The following CERS4 variants were observed in gnomAD, a reference collection of about 807,000 sequenced individuals.
The protein encoded by CERS4 is LAG1 homolog, ceramide synthase 4.
In CERS4, 65 loss-of-function variants were observed where a neutral mutation model predicts 51.8. The observed-to-expected ratio is 1.26, with a 90% CI of 1.03 to 1.54. The LOEUF is 1.54. Ranked by LOEUF, CERS4 falls within the 40% of genes most tolerant of loss-of-function variation. CERS4 has a pLI of 0.00. For synonymous variants in CERS4, 228 were observed against 208.4 expected (o/e 1.09, Z -0.81); for missense variants, 563 against 500.4 (o/e 1.13, Z -1.19).
At chr19:8,215,647 C>T (rs1431931014) in intron 2 of CERS4, among the ~76,000 whole-genome samples, 1 of 152,104 alleles carries the variant, frequency 6.6e-6, no homozygotes, top group Admixed American at 6.6e-5. Context: ...CTGGGCTTCA[C>T]TGGGAGGGAA....
chr19:8,212,139 G>A (rs1354589612), intron 2 of CERS4, among the ~76,000 whole-genome samples: 2 of 152,134 alleles, frequency 1.3e-5, no homozygotes, highest in Non-Finnish European at 2.9e-5. Context: ...TCCAGAAGAG[G>A]GGAGAGGAAG....
chr19:8,241,695 T>C (rs1287567804), intron 2 of CERS4, among the ~76,000 whole-genome samples: 2 of 152,130 alleles, frequency 1.3e-5, no homozygotes, highest in Non-Finnish European at 2.9e-5. Context: ...CAGATAAAAC[T>C]GAGGCACAGA....
At chr19:8,231,292 T>C (rs1967993678) in intron 2 of CERS4, among the ~76,000 whole-genome samples, 1 of 152,200 alleles carries the variant, frequency 6.6e-6, no homozygotes, top group African/African-American at 2.4e-5. Flanking sequence ...GTAGAGTCTC[T>C]GGATTCTGTT....
rs144143354 is a variant in CERS4 at position 8,231,937 on chromosome 19, C to T, written c.-1-19139C>T. Among the ~76,000 whole-genome samples, 304 of 149,012 alleles carry T rather than the reference C, an allele frequency of 2.0e-3. 2 individuals are homozygous for T. In the East Asian group the frequency reaches 0.024, roughly 12 times the overall value. Reference sequence around the variant, plus strand: ...ATAGCTTCTGGGCTCAAAGGATCCTCCCACCTCAGCCTCCTGAGTAGCTGG... The same window carrying T: ...ATAGCTTCTGGGCTCAAAGGATCCTTCCACCTCAGCCTCCTGAGTAGCTGG... On this transcript the variant is annotated intron_variant, in intron 2 of 11. Transcript: ENST00000251363.
chr19:8,217,683 C>T (rs1967360011), intron 2 of CERS4, among the ~76,000 whole-genome samples: 1 of 151,874 alleles, frequency 6.6e-6, no homozygotes, highest in South Asian at 2.1e-4. Context: ...ACTACAGGTG[C>T]CCACCACCAC....
intron 2 of CERS4, among the ~76,000 whole-genome samples, chr19:8,241,886 G>T (rs1428460418): frequency 6.6e-6 from 1 of 152,196 alleles, no homozygotes; most frequent in African/African-American, 2.4e-5. Flanking sequence ...GGCCCAGGAA[G>T]ACAGAGGATG....
At chr19:8,243,508 G>C (rs1037794157) in intron 2 of CERS4, among the ~76,000 whole-genome samples, 1 of 152,126 alleles carries the variant, frequency 6.6e-6, no homozygotes, top group Admixed American at 6.6e-5. Flanking sequence ...TTGACTGCTT[G>C]TTGGGTCACT....
At chr19:8,245,763 C>T (rs1050027147) in intron 2 of CERS4, among the ~76,000 whole-genome samples, 2 of 151,938 alleles carry the variant, frequency 1.3e-5, no homozygotes, top group African/African-American at 4.8e-5. Flanking sequence ...TGGTCTCAAA[C>T]TCCTGATCGC....
chr19:8,260,395 T>TG (rs1381706109), intron 10 of CERS4, among the ~76,000 whole-genome samples: 6 of 142,150 alleles, frequency 4.2e-5, no homozygotes, highest in African/African-American at 1.3e-4. Flanking sequence ...TTAGTAGAGA[T>TG]GGGGGTTTCA....
intron 2 of CERS4, among the ~76,000 whole-genome samples, chr19:8,231,891 C>T (rs1312900125): frequency 1.6e-5 from 2 of 127,870 alleles, no homozygotes; most frequent in Non-Finnish European, 3.2e-5. Flanking sequence ...GTCTCCCAGG[C>T]TGGAGTGCAG....
At chr19:8,242,799 AT>A (rs1968592437) in intron 2 of CERS4, among the ~76,000 whole-genome samples, 2 of 152,278 alleles carry the variant, frequency 1.3e-5, no homozygotes, top group East Asian at 3.9e-4. Flanking sequence ...GGAGCAGAGT[AT>A]CAGTCAGTAA....
intron 2 of CERS4, among the ~76,000 whole-genome samples, chr19:8,244,711 G>A (rs996733478): frequency 2.0e-5 from 3 of 152,064 alleles, no homozygotes; most frequent in South Asian, 4.1e-4. Context: ...CAAGGGCAAC[G>A]GAACCCTCAC....
intron 8 of CERS4, 58 bp downstream of exon 8, chr19:8,256,768 G>A: frequency 6.3e-7 from 1 of 1,585,650 alleles, no homozygotes; most frequent in Non-Finnish European, 8.6e-7. Flanking sequence ...TGGGGTGCTG[G>A]GGGGTAGGGC....
At chr19:8,238,126 C>T (rs1390303452) in intron 2 of CERS4, among the ~76,000 whole-genome samples, 1 of 152,040 alleles carries the variant, frequency 6.6e-6, no homozygotes, top group Non-Finnish European at 1.5e-5. Flanking sequence ...ACCAGATCCT[C>T]TCTCCTCCCT....
intron 2 of CERS4, among the ~76,000 whole-genome samples, chr19:8,230,913 C>G (rs191450632): frequency 6.6e-6 from 1 of 152,290 alleles, no homozygotes; most frequent in Admixed American, 6.5e-5. Flanking sequence ...AATCACAGCT[C>G]ACTGCAGCCT....
At chr19:8,254,445 A>C in intron 3 of CERS4, 54 bp from the exon 4 acceptor site, 1 of 1,538,674 alleles carries the variant, frequency 6.5e-7, no homozygotes, top group East Asian at 2.3e-5. Flanking sequence ...CCCCACACAC[A>C]GGCAGTCCCA....
chr19:8,253,112 G>T (rs1969173146), intron 3 of CERS4, among the ~76,000 whole-genome samples: 1 of 152,244 alleles, frequency 6.6e-6, no homozygotes, highest in African/African-American at 2.4e-5. Context: ...ACCAAATGAG[G>T]CAGGATGTTA....
At chr19:8,250,044 G>A (rs1286988910) in intron 2 of CERS4, among the ~76,000 whole-genome samples, 3 of 150,024 alleles carry the variant, frequency 2.0e-5, no homozygotes, top group Admixed American at 6.6e-5. Context: ...GCATGATCTC[G>A]GCTCACTGCA....
At chr19:8,221,875 T>A (rs1161545646) in intron 2 of CERS4, among the ~76,000 whole-genome samples, 28 of 85,644 alleles carry the variant, frequency 3.3e-4, no homozygotes, top group African/African-American at 1.3e-3. Context: ...TTTTTATGTT[T>A]TTTTTTTTTT....
Sources: gnomAD v4.1 joint callset for allele counts (sites outside exome capture counted in the v4.1 genomes callset) on GRCh38, gnomAD v4.1.1 for gene constraint, MANE v1.5 for transcripts, NCBI Gene and HGNC (gene_info 2026-07-23, HGNC 2026-07-21) for gene names.